Variants in NCOA5 observed in about 807,000 individuals in gnomAD.
NCOA5 encodes the protein NCoA-5.
NCOA5 carries 12 observed loss-of-function variants against 59.0 expected under a neutral mutation model. That is an observed-to-expected ratio of 0.20 (90% confidence interval 0.13 to 0.33). The LOEUF is 0.33. Among genes scored for constraint, NCOA5 ranks in the 10% least tolerant of loss-of-function variants. NCOA5 has a pLI of 1.00. For synonymous variants in NCOA5, 270 were observed against 275.5 expected (o/e 0.98, Z 0.20); for missense variants, 655 against 766.6 (o/e 0.85, Z 1.72).
intron 4 of NCOA5, 84 bp from the exon 5 acceptor site, chr20:46,067,265 T>C (rs1251309989): frequency 8.2e-5 from 121 of 1,476,240 alleles, no homozygotes; most frequent in Admixed American, 2.2e-5. Flanking sequence ...AAGGTCATAA[T>C]ACTCTGAATC....
At chr20:46,087,647 T>A (rs1298126868) in intron 1 of NCOA5, among the ~76,000 whole-genome samples, 1 of 152,122 alleles carries the variant, frequency 6.6e-6, no homozygotes, top group East Asian at 1.9e-4. Context: ...TAATCCCAGC[T>A]ACTTAGGAGA....
chr20:46,062,809 C>A lies in NCOA5; in HGVS notation c.1231G>T (p.Gly411Cys), dbSNP rs138720031. Residue 411 changes from glycine (G) to cysteine (C), a missense_variant, in exon 8 of 8, where the codon GGC (glycine) becomes TGC (cysteine). This residue lies in a region of NCOA5 where 325 missense variants were observed against 353.2 expected (regional missense o/e 0.92). Coordinates refer to ENST00000290231, the MANE Select transcript of NCOA5 (RefSeq NM_020967.3). ...TQPSSQPLQS[G>C]QVLPSATPTP... is the part of the protein sequence containing the mutation. ...GGTGTAGCAGAGGGGAGCACTTGGC[C>A]GCTCTGGAGCGGTTGGGAGCTTGGC... 2 of 1,560,760 alleles carry A rather than the reference C, an allele frequency of 1.3e-6. No individual in the cohort carries two copies. The highest frequency in any genetic ancestry group is 2.4e-5 in the South Asian group (2 of 82,460).
intron 1 of NCOA5, among the ~76,000 whole-genome samples, chr20:46,083,799 G>T (rs542556615): frequency 6.6e-6 from 1 of 152,140 alleles, no homozygotes; most frequent in African/African-American, 2.4e-5. Flanking sequence ...AATTGGGAGG[G>T]GAAATGACAG....
Position 46,063,532 on chromosome 20 carries a change from C to T in NCOA5, c.978G>A (p.Glu326=). The part of the protein sequence containing the change: ...MADEAILQER[E]RGGPEEGVRG... ...GCACTCCCTCCTCAGGGCCTCCTCT[C>T]TCTCTTTCCTGCAGGATGGCTTCAT... Residue 326 remains glutamate (E), a synonymous_variant, in exon 7 of 8, where the codon GAG becomes GAA. Coordinates refer to ENST00000290231, the MANE Select transcript of NCOA5 (RefSeq NM_020967.3). 6.2e-7 allele frequency: 1 copy of T among 1,614,212 alleles called. No homozygotes were observed. Among genetic ancestry groups the T allele is most frequent in the South Asian group, 1.1e-5 (1 of 91,080 alleles).
rs2084764735 is a variant in NCOA5 at position 46,061,645 on chromosome 20, A to G, written c.*655T>C. 1.3e-5 allele frequency: 2 copies of G among 152,618 alleles called. No homozygotes were observed. Among genetic ancestry groups the G allele is most frequent in the Non-Finnish European group, 2.9e-5 (2 of 68,056 alleles). The allele number at this position is 152,618 out of a possible 1,614,324, so 9.5% of individuals were successfully genotyped here. The stretch of plus-strand genomic sequence containing the variant: ...TGTTCAGTCCATTGGAGATCTTCCA[A>G]TGAAATGAAAACAAAAAAGAAAAGA... On this transcript the variant is annotated 3_prime_UTR_variant, in exon 8 of 8. Transcript: ENST00000290231.
chr20:46,074,613 A>G (rs1600626456), intron 2 of NCOA5, among the ~76,000 whole-genome samples: 5 of 152,332 alleles, frequency 3.3e-5, no homozygotes, highest in Admixed American at 3.3e-4. Flanking sequence ...CACTGCTGGG[A>G]AACATTTGAG....
chr20:46,072,841 G>A (rs1362682895), intron 2 of NCOA5, among the ~76,000 whole-genome samples: 1 of 152,072 alleles, frequency 6.6e-6, no homozygotes, highest in African/African-American at 2.4e-5. Context: ...TTTACTTAAT[G>A]TCTGTCTGCC....
chr20:46,082,272 TTAAA>T (rs1287846361), intron 1 of NCOA5, among the ~76,000 whole-genome samples: 1 of 152,236 alleles, frequency 6.6e-6, no homozygotes, highest in South Asian at 2.1e-4. Flanking sequence ...TTATTTTGTA[TTAAA>T]TAATCAGATT....
chr20:46,070,145 T>C, intron 3 of NCOA5, 65 bp downstream of exon 3: 3 of 1,299,508 alleles, frequency 2.3e-6, no homozygotes, highest in Non-Finnish European at 3.2e-6. Context: ...GAGCTTTCAA[T>C]TAGTTTAGCA....
At position 46,070,542 on chromosome 20, in the gene NCOA5, G is replaced by A; in HGVS notation, c.39-6C>T. 1 of 1,608,234 alleles carries A rather than the reference G, an allele frequency of 6.2e-7. No homozygotes were observed. Among genetic ancestry groups the A allele is most frequent in the Non-Finnish European group, 8.5e-7 (1 of 1,176,128 alleles). ...CTCCAAAGCCATATGGATCCCTGTG[G>A]GAGGTAGCAAGAAAATGCTAAGACA... On this transcript the variant is annotated splice_polypyrimidine_tract_variant and splice_region_variant and intron_variant, in intron 2 of 7. Transcript: ENST00000290231.
chr20:46,077,693 C>A (rs1006662628), intron 2 of NCOA5, among the ~76,000 whole-genome samples: 4 of 152,150 alleles, frequency 2.6e-5, no homozygotes, highest in African/African-American at 9.7e-5. Flanking sequence ...CACACGTTAG[C>A]GCTCTTTGGA....
chr20:46,067,090 A>T lies in NCOA5; in HGVS notation c.594T>A (p.Val198=). ...TGTTGACCACAATCACAGAACAATCAACGGGCCTTTCGGCATCAAAGCGTC... is the reference window on the plus strand; with the variant it reads ...TGTTGACCACAATCACAGAACAATCTACGGGCCTTTCGGCATCAAAGCGTC... The part of the protein sequence containing the change: ...IQRRFDAERP[V]DCSVIVVNKQ... The change falls in exon 5 of 8, where the codon GTT becomes GTA. Residue 198 remains valine, a synonymous_variant. Coordinates refer to ENST00000290231, the MANE Select transcript of NCOA5 (RefSeq NM_020967.3). 6.2e-7 allele frequency: 1 copy of T among 1,614,200 alleles called. No homozygotes were observed. The highest frequency in any genetic ancestry group is 8.5e-7 in the Non-Finnish European group (1 of 1,180,034).
intron 2 of NCOA5, among the ~76,000 whole-genome samples, chr20:46,072,695 C>A (rs930094723): frequency 1.3e-5 from 2 of 152,200 alleles, no homozygotes; most frequent in African/African-American, 4.8e-5. Context: ...GATCTATACT[C>A]CTCTTCCAGG....
chr20:46,089,065 C>T (rs1371145922), intron 1 of NCOA5, among the ~76,000 whole-genome samples: 3 of 152,224 alleles, frequency 2.0e-5, no homozygotes, highest in Non-Finnish European at 4.4e-5. Flanking sequence ...GGTCCACGGA[C>T]ATAAAGGTGC....
rs370318927 is a variant in NCOA5 at position 46,067,158 on chromosome 20, G to A, written c.526C>T (p.Arg176Cys). ...TATTGACGATAAAGCTCTTCTCTACGCCGTTCCTCACGTTTCAAACGCTCT... is the reference window on the plus strand; with the variant it reads ...TATTGACGATAAAGCTCTTCTCTACACCGTTCCTCACGTTTCAAACGCTCT... Reference protein sequence around the residue: ...AKERLKREERRREELYRQYFE... With the variant: ...AKERLKREERCREELYRQYFE... The change falls in exon 5 of 8, where the codon CGT (arginine) becomes TGT (cysteine). Residue 176 changes from arginine to cysteine, a missense_variant. Arg to Cys is a radical substitution (Grantham distance 180). Transcript: ENST00000290231. 19 of 1,613,774 alleles carry A rather than the reference G, an allele frequency of 1.2e-5. No homozygotes were observed. Among genetic ancestry groups the A allele is most frequent in the Non-Finnish European group, 1.4e-5 (17 of 1,179,982 alleles).
intron 2 of NCOA5, 68 bp from the exon 3 acceptor site, chr20:46,070,604 A>T: frequency 6.8e-7 from 1 of 1,463,242 alleles, no homozygotes; most frequent in Non-Finnish European, 9.4e-7. Context: ...AGCTCTTCAT[A>T]TGAGAAAACC....
intron 2 of NCOA5, among the ~76,000 whole-genome samples, chr20:46,075,258 C>G (rs956383852): frequency 1.1e-4 from 16 of 152,210 alleles, no homozygotes; most frequent in African/African-American, 3.9e-4. Context: ...CCAGCACAAA[C>G]AGAACTTTCT....
At chr20:46,070,941 G>A (rs1270647355) in intron 2 of NCOA5, among the ~76,000 whole-genome samples, 1 of 152,026 alleles carries the variant, frequency 6.6e-6, no homozygotes, top group Non-Finnish European at 1.5e-5. Flanking sequence ...GTGATCAAAG[G>A]AACTGTCCTT....
intron 1 of NCOA5, among the ~76,000 whole-genome samples, chr20:46,081,198 G>A (rs935512665): frequency 1.3e-5 from 2 of 152,032 alleles, no homozygotes; most frequent in Non-Finnish European, 2.9e-5. Context: ...ATTATTAAAT[G>A]GTCTTGTGAA....
Sources: allele counts gnomAD v4.1 joint callset (sites outside exome capture counted in the v4.1 genomes callset), GRCh38; gene constraint gnomAD v4.1.1; regional missense constraint gnomAD v4.1.1; transcripts MANE v1.5; gene names NCBI Gene and HGNC (gene_info 2026-07-23, HGNC 2026-07-21).